The following TTN variants were observed in gnomAD, a reference collection of about 807,000 sequenced individuals.
TTN encodes titin.
Under a neutral mutation model 3,223.0 loss-of-function variants are expected in TTN, and 1,525 were observed. The ratio of observed to expected loss-of-function variants is 0.47; its 90% confidence interval spans 0.45 to 0.49. The LOEUF (loss-of-function observed/expected upper bound fraction) is 0.49, where lower values mean the gene tolerates loss of function less well. TTN is among the 20% of genes least tolerant of loss of function. The probability of loss-of-function intolerance (pLI) is 0.00; values close to 1 mark genes in which losing one functional copy is unlikely to be tolerated. For missense variants in TTN, 40,786 were observed against 43,424.0 expected (o/e 0.94, Z 5.40); for synonymous variants, 14,094 against 15,161.0 (o/e 0.93, Z 5.17).
chr2:178,593,319 T>G lies in TTN; in HGVS notation c.58889A>C (p.Lys19630Thr), dbSNP rs534551882. ...TMSKRWARVTKDPIHPYTKFR... is the reference protein window; with the variant it reads ...TMSKRWARVTTDPIHPYTKFR... Reference sequence around the variant, plus strand: ...TTTAGTGTATGGATGAATAGGATCTTTGGTAACTCTAGCCCATCGTTTAGA... The same window carrying G: ...TTTAGTGTATGGATGAATAGGATCTGTGGTAACTCTAGCCCATCGTTTAGA... The change falls in exon 299 of 363, where the codon AAA becomes ACA. Residue 19630 changes from lysine to threonine, a missense_variant. Coordinates refer to ENST00000589042, the MANE Select transcript of TTN (RefSeq NM_001267550.2). 1 of 1,613,382 alleles carries G rather than the reference T, an allele frequency of 6.2e-7. No individual in the cohort carries two copies. The highest frequency in any genetic ancestry group is 1.1e-5 in the South Asian group (1 of 91,054).
Position 178,603,875 on chromosome 2 carries a change from C to T in TTN, c.54811+1G>A, listed in dbSNP as rs1205836993. On this transcript the variant is annotated splice_donor_variant, in intron 282 of 362. Coordinates refer to ENST00000589042, the MANE Select transcript of TTN (RefSeq NM_001267550.2). LOFTEE classifies it high-confidence loss of function. ...GTCCCCAGAAACGGAAGCATACTTA[C>T]ATATGGGATCTCCTGCAACCTCTGG... is the stretch of plus-strand genomic sequence containing the variant. 2 of 1,575,286 alleles carry T rather than the reference C, an allele frequency of 1.3e-6. No homozygotes were observed. Among genetic ancestry groups the T allele is most frequent in the Admixed American group, 1.7e-5 (1 of 58,842 alleles).
Position 178,536,579 on chromosome 2 carries a change from T to G in TTN, c.100172-4A>C, listed in dbSNP as rs763466745. The G allele has an allele frequency of 6.7e-7, 1 of 1,489,570 alleles. No homozygotes were observed. The highest frequency in any genetic ancestry group is 8.9e-7 in the Non-Finnish European group (1 of 1,126,604). 92.3% of individuals were successfully genotyped at this position (1,489,570 alleles called of 1,614,324 possible). On this transcript the variant is annotated splice_polypyrimidine_tract_variant and splice_region_variant and intron_variant, in intron 356 of 362. Transcript: ENST00000589042. ...TTGCCAGGAGCACCTGGCTTTTCTA[T>G]TAAACAAAAAAAAGATTTGAGTCAT...
chr2:178,540,122 C>T lies in TTN; in HGVS notation c.98044G>A (p.Gly32682Arg). ...RFRVLACNAG[G>R]PGEPAEVPGT... ...GGTACCTCAGCAGGCTCACCAGGTC[C>T]ACCAGCATTACAAGCTAGGACGCGG... is the stretch of plus-strand genomic sequence containing the variant. Residue 32682 changes from glycine (G) to arginine (R), a missense_variant, in exon 351 of 363, where the codon GGA becomes AGA. By Grantham distance (125) the Gly-to-Arg change is moderately radical (BLOSUM62 -2). Transcript: ENST00000589042. The T allele has an allele frequency of 6.2e-7, 1 of 1,611,740 alleles. No individual in the cohort carries two copies. Among genetic ancestry groups the T allele is most frequent in the Non-Finnish European group, 8.5e-7 (1 of 1,178,148 alleles).
intron 36 of TTN, 31 bp downstream of exon 36, chr2:178,770,029 A>G (rs915008523): frequency 8.7e-6 from 14 of 1,614,034 alleles, no homozygotes; most frequent in Non-Finnish European, 1.2e-5. Context: ...TTCATTAAGG[A>G]AAGGGCTGTA....
rs368468642 is a variant in TTN, at chr2:178,603,970, G to A, written c.54717C>T (p.Gly18239=). Residue 18239 remains glycine, a synonymous_variant, in exon 282 of 363, where the codon GGC becomes GGT. Transcript: ENST00000589042. ...CCATGGCTCTGAACTGGTATTTAAC[G>A]CCTTCAAGCAAACGAGGAACATTAA... ...VEFNVPRLLE[G]VKYQFRAMAI... is the part of the protein sequence containing the mutation. 19 of 1,612,474 alleles carry A rather than the reference G, an allele frequency of 1.2e-5. No individual in the cohort carries two copies. Among genetic ancestry groups the A allele is most frequent in the Middle Eastern group, 1.6e-4 (1 of 6,070 alleles).
At chr2:178,749,631 T>C (rs779286432) in intron 47 of TTN, 5 of 1,612,328 alleles carry the variant, frequency 3.1e-6, no homozygotes, top group Middle Eastern at 3.3e-4. Context: ...TCGAATTGAC[T>C]ATTTTCTCTA....
At chr2:178,540,462 G>A in intron 350 of TTN, 92 bp from the exon 351 acceptor site, 3 of 1,087,650 alleles carry the variant, frequency 2.8e-6, no homozygotes, top group South Asian at 1.6e-5. Context: ...TTGTTGAAAC[G>A]GACTGTTAAC....
chr2:178,534,187 A>T lies in TTN; in HGVS notation c.102428T>A (p.Met34143Lys). Residue 34143 changes from methionine (M) to lysine (K), a missense_variant, in exon 358 of 363, where the codon ATG becomes AAG. Physicochemically the swap from Met to Lys is moderately conservative, Grantham distance 95 (BLOSUM62 -1). Transcript: ENST00000589042. ...IEIGPVSGQI[M>K]HAVGEEGGHV... ...TCCTCCTTCTTCACCAACTGCATGC[A>T]TTATCTGCCCAGAAACTGGGCCAAT... 6.2e-7 allele frequency: 1 copy of T among 1,613,938 alleles called. No individual in the cohort carries two copies. Among genetic ancestry groups the T allele is most frequent in the East Asian group, 2.2e-5 (1 of 44,874 alleles).
At position 178,720,480 on chromosome 2, in the gene TTN, A is replaced by G; in HGVS notation, c.23282T>C (p.Ile7761Thr). The G allele has an allele frequency of 8.7e-6, 14 of 1,613,706 alleles. No homozygotes were observed. Among genetic ancestry groups the G allele is most frequent in the Non-Finnish European group, 1.2e-5 (14 of 1,179,670 alleles). Reference protein sequence around the residue: ...TSKHFDTSLHILNLEASDVGE... With the variant: ...TSKHFDTSLHTLNLEASDVGE... ...GACATCGGAGGCTTCAAGATTAAGG[A>G]TATGAAGACTTGTATCAAAATGTTT... Residue 7761 changes from isoleucine (I) to threonine (T), a missense_variant, in exon 80 of 363, where the codon ATC (isoleucine) becomes ACC (threonine). By Grantham distance (89) the Ile-to-Thr change is moderately conservative (BLOSUM62 -1). Coordinates refer to ENST00000589042, the MANE Select transcript of TTN (RefSeq NM_001267550.2).
intron 263 of TTN, 25 bp downstream of exon 263, chr2:178,613,726 A>G: frequency 6.2e-7 from 1 of 1,606,528 alleles, no homozygotes; most frequent in Non-Finnish European, 8.5e-7. Context: ...CTGTCTTAAC[A>G]TCTTGATGGG....
chr2:178,582,381 C>T lies in TTN; in HGVS notation c.66075G>A (p.Glu22025=), dbSNP rs1367983912. 1.2e-6 allele frequency: 2 copies of T among 1,612,724 alleles called. No homozygotes were observed. Among genetic ancestry groups the T allele is most frequent in the East Asian group, 2.2e-5 (1 of 44,664 alleles). Residue 22025 remains glutamate, a synonymous_variant, in exon 314 of 363, where the codon GAG becomes GAA. Transcript: ENST00000589042. ...CSVEKLIEGH[E]YQFRICAENK... ...TTTCAGCACAAATACGGAACTGATA[C>T]TCATGGCCCTCTATAAGTTTCTCCA...
Position 178,712,197 on chromosome 2 carries a change from C to G in TTN, c.27633G>C (p.Leu9211Phe), listed in dbSNP as rs1197586368. The G allele has an allele frequency of 6.2e-7, 1 of 1,613,424 alleles. No homozygotes were observed. The highest frequency in any genetic ancestry group is 8.5e-7 in the Non-Finnish European group (1 of 1,179,568). Residue 9211 changes from leucine (L) to phenylalanine (F), a missense_variant, in exon 96 of 363, where the codon TTG becomes TTC. Leu to Phe is a conservative substitution (Grantham distance 22). Coordinates refer to ENST00000589042, the MANE Select transcript of TTN (RefSeq NM_001267550.2). ...ILEPPYFVKQ[L>F]EPVKVSVGDS... ...CTCCAACAGACACCTTAACCGGCTC[C>G]AACTGCTTGACAAAATACGGTGGTT...
In TTN at chr2:178,561,054, C is replaced by G; in HGVS notation, c.85078G>C (p.Asp28360His). 1 of 1,613,848 alleles carries G rather than the reference C, an allele frequency of 6.2e-7. No individual in the cohort carries two copies. The highest frequency in any genetic ancestry group is 8.5e-7 in the Non-Finnish European group (1 of 1,179,804). The change falls in exon 326 of 363, where the codon GAT becomes CAT. Residue 28360 changes from aspartate to histidine, a missense_variant. By Grantham distance (81) the Asp-to-His change is moderately conservative. Transcript: ENST00000589042. The part of the protein sequence containing the change: ...DDVEPPRVMM[D>H]VKFRDVIVVK... ...ACAATAACGTCTCGGAACTTGACAT[C>G]CATCATAACTCTTGGAGGCTCAACA...
intron 156 of TTN, 38 bp downstream of exon 156, chr2:178,671,052 A>G (rs767444012): frequency 7.3e-6 from 11 of 1,499,006 alleles, no homozygotes; most frequent in Non-Finnish European, 9.2e-6. Context: ...GTGCTATTGT[A>G]TGTAAAGTTA....
Position 178,770,051 on chromosome 2 carries a change from G to C in TTN, c.8641+9C>G. 1.2e-6 allele frequency: 2 copies of C among 1,614,168 alleles called. No homozygotes were observed. The highest frequency in any genetic ancestry group is 1.7e-6 in the Non-Finnish European group (2 of 1,180,010). On this transcript the variant is annotated intron_variant, in intron 36 of 362. Transcript: ENST00000589042. ...AGGAAAGGGCTGTAGGGGGCTGCCT[G>C]ATACTTACTCTCCACAAACAGTTTT...
In TTN at chr2:178,573,993, A is replaced by G. The variant is rs1709172090; in HGVS notation, c.72139T>C (p.Phe24047Leu). The G allele has an allele frequency of 4.3e-6, 7 of 1,613,238 alleles. No individual in the cohort carries two copies. Among genetic ancestry groups the G allele is most frequent in the Non-Finnish European group, 5.9e-6 (7 of 1,179,610 alleles). The change falls in exon 326 of 363, where the codon TTC becomes CTC. Residue 24047 changes from phenylalanine to leucine, a missense_variant. Phe to Leu is a conservative substitution (Grantham distance 22). Coordinates refer to ENST00000589042, the MANE Select transcript of TTN (RefSeq NM_001267550.2). ...CCTGAAACATCAGCTTCCAGTCTGA[A>G]TGCTTCACCTGCTTTTAATATAACC... is the stretch of plus-strand genomic sequence containing the variant. The part of the protein sequence containing the change: ...DTVILKAGEA[F>L]RLEADVSGRP...
chr2:178,630,844 G>T lies in TTN; in HGVS notation c.44114C>A (p.Ala14705Asp). The T allele has an allele frequency of 6.2e-7, 1 of 1,613,258 alleles. No homozygotes were observed. The highest frequency in any genetic ancestry group is 8.5e-7 in the Non-Finnish European group (1 of 1,179,474). Reference sequence around the variant, plus strand: ...GGCCTCTCCCTTGAGTTTCCAGTTGGCGTGGATATCATCTTCAGAGATTTC... The same window carrying T: ...GGCCTCTCCCTTGAGTTTCCAGTTGTCGTGGATATCATCTTCAGAGATTTC... ...ETEISEDDIH[A>D]NWKLKGEALL... The change falls in exon 238 of 363, where the codon GCC becomes GAC. Residue 14705 changes from alanine (A) to aspartate (D), a missense_variant. Coordinates refer to ENST00000589042, the MANE Select transcript of TTN (RefSeq NM_001267550.2).
rs1309205725 is a variant in TTN, at chr2:178,577,120, A to T, written c.69215T>A (p.Ile23072Asn). The T allele has an allele frequency of 7.4e-6, 12 of 1,613,114 alleles. No homozygotes were observed. The highest frequency in any genetic ancestry group is 1.3e-5 in the African/African-American group (1 of 74,846). Residue 23072 changes from isoleucine (I) to asparagine (N), a missense_variant, in exon 324 of 363, where the codon ATT (isoleucine) becomes AAT (asparagine). Physicochemically the swap from Ile to Asn is moderately radical, Grantham distance 149. Coordinates refer to ENST00000589042, the MANE Select transcript of TTN (RefSeq NM_001267550.2). ...TPPLEDGGSP[I>N]KSYILEKRET... ...TCTCTTTTCAAGTATATAGGACTTA[A>T]TTGGTGAGCCGCCATCTTCCAAGGG...
Position 178,785,874 on chromosome 2 carries a change from G to T in TTN, c.2344C>A (p.Gln782Lys). ...TGTGATGATATGTGCATTCCCTTTT[G>T]ATCAGTAGTTTTGATATGAGTCTCA... ...PSETHIKTTD[Q>K]KGMHISSQIK... The change falls in exon 14 of 363, where the codon CAA becomes AAA. Residue 782 changes from glutamine to lysine, a missense_variant. Coordinates refer to ENST00000589042, the MANE Select transcript of TTN (RefSeq NM_001267550.2). The T allele has an allele frequency of 6.2e-7, 1 of 1,614,080 alleles. No homozygotes were observed. Among genetic ancestry groups the T allele is most frequent in the South Asian group, 1.1e-5 (1 of 91,058 alleles).
Sources: gnomAD v4.1 joint callset for allele counts on GRCh38, gnomAD v4.1.1 for gene constraint, MANE v1.5 for transcripts, NCBI Gene and HGNC (gene_info 2026-07-23, HGNC 2026-07-21) for gene names.